Variants in GPC5 observed in about 807,000 individuals in gnomAD.
The protein encoded by GPC5 is glypican 5, also known as glypican-5.
A neutral mutation model predicts 53.9 loss-of-function variants in GPC5; 47 were observed. The ratio of observed to expected loss-of-function variants is 0.87; its 90% CI spans 0.69 to 1.11. GPC5 has a LOEUF of 1.11. GPC5 is among the 50% of genes most tolerant of loss of function. GPC5 has a pLI of 0.00. For missense variants in GPC5, 748 were observed against 713.1 expected, an observed-to-expected ratio of 1.05 and a Z score of -0.56; for synonymous variants, 286 against 263.3, an observed-to-expected ratio of 1.09 and a Z score of -0.84.
chr13:91,959,824 A>G (rs765058634), intron 6 of GPC5, among the ~76,000 whole-genome samples: 1 of 152,190 alleles, frequency 6.6e-6, no homozygotes, highest in Non-Finnish European at 1.5e-5. Context: ...AGCAAACGTC[A>G]TGCATCATAT....
intron 7 of GPC5, among the ~76,000 whole-genome samples, chr13:92,195,585 T>C (rs2042251435): frequency 6.6e-6 from 1 of 152,094 alleles, no homozygotes; most frequent in Non-Finnish European, 1.5e-5. Flanking sequence ...ACACCACGTA[T>C]GTAAATGGGT....
chr13:92,214,722 G>A (rs1469469088), intron 7 of GPC5, among the ~76,000 whole-genome samples: 3 of 152,166 alleles, frequency 2.0e-5, no homozygotes, highest in Non-Finnish European at 2.9e-5. Flanking sequence ...ACTATGTTAG[G>A]TTGTACAGCA....
chr13:92,221,338 C>T (rs533267401), intron 7 of GPC5, among the ~76,000 whole-genome samples: 1 of 152,248 alleles, frequency 6.6e-6, no homozygotes, highest in East Asian at 1.9e-4. Flanking sequence ...TTATCATATA[C>T]AGTGTATGGT....
At chr13:92,107,793 A>C (rs2041521631) in intron 6 of GPC5, among the ~76,000 whole-genome samples, 1 of 152,158 alleles carries the variant, frequency 6.6e-6, no homozygotes, top group South Asian at 2.1e-4. Flanking sequence ...GGTTTAATCA[A>C]CTTCATTGCT....
At chr13:92,571,493 A>G (rs1883020763) in intron 7 of GPC5, among the ~76,000 whole-genome samples, 1 of 152,168 alleles carries the variant, frequency 6.6e-6, no homozygotes, top group Admixed American at 6.6e-5. Context: ...AATTATATAT[A>G]TTTCCCAATA....
chr13:91,938,439 C>G lies in GPC5; in HGVS notation c.1401+30382C>G, dbSNP rs555021614. ...ATCCACCCTCATGACCCAAACACTT[C>G]CGACCCGGCCCCAACTCCAGCATTG... On this transcript the variant is annotated intron_variant, in intron 6 of 7. Transcript: ENST00000377067. Among the ~76,000 whole-genome samples the G allele has an allele frequency of 2.0e-5, 3 of 152,210 alleles. No individual in the cohort carries two copies. The East Asian group carries it at 5.8e-4, about 29-fold the overall frequency.
intron 2 of GPC5, among the ~76,000 whole-genome samples, chr13:91,562,492 C>G (rs1419040726): frequency 6.6e-6 from 1 of 152,048 alleles, no homozygotes; most frequent in East Asian, 1.9e-4. Flanking sequence ...GAGACAGAGT[C>G]TCACTCTGTC....
intron 6 of GPC5, among the ~76,000 whole-genome samples, chr13:92,084,185 G>A (rs907330484): frequency 6.6e-6 from 1 of 152,154 alleles, no homozygotes; most frequent in Admixed American, 6.5e-5. Context: ...CCTTGACACC[G>A]AGGTGACAGG....
At chr13:91,816,502 A>C (rs2038402272) in intron 5 of GPC5, among the ~76,000 whole-genome samples, 1 of 152,164 alleles carries the variant, frequency 6.6e-6, no homozygotes, top group African/African-American at 2.4e-5. Context: ...GAATTCACCC[A>C]GCATTGAAAT....
intron 6 of GPC5, among the ~76,000 whole-genome samples, chr13:92,094,130 C>T (rs1182789048): frequency 6.6e-6 from 1 of 152,050 alleles, no homozygotes; most frequent in East Asian, 1.9e-4. Flanking sequence ...ATTTATATAA[C>T]GGGGAACTTC....
At chr13:91,966,800 G>A (rs1336989470) in intron 6 of GPC5, among the ~76,000 whole-genome samples, 2 of 151,916 alleles carry the variant, frequency 1.3e-5, no homozygotes, top group Non-Finnish European at 2.9e-5. Flanking sequence ...TTTTAAAAGG[G>A]GAAAAAAGCA....
At chr13:92,136,116 G>A (rs7991173) in intron 6 of GPC5, among the ~76,000 whole-genome samples, 44,466 of 151,968 alleles carry the variant, frequency 0.29, 6,805 homozygotes, top group Non-Finnish European at 0.31. Context: ...GCTCTAAATA[G>A]TGAGTCATGT....
At chr13:91,599,574 A>T (rs2033109164) in intron 2 of GPC5, among the ~76,000 whole-genome samples, 1 of 152,118 alleles carries the variant, frequency 6.6e-6, no homozygotes, top group African/African-American at 2.4e-5. Context: ...TACTATAATT[A>T]AAAAAATATA....
intron 7 of GPC5, among the ~76,000 whole-genome samples, chr13:92,177,151 C>T (rs919575684): frequency 6.6e-5 from 10 of 152,068 alleles, no homozygotes; most frequent in African/African-American, 4.8e-5. Context: ...GCTTACAGAC[C>T]CCTGGCTTCT....
intron 5 of GPC5, among the ~76,000 whole-genome samples, chr13:91,768,180 C>T (rs1279109759): frequency 6.6e-6 from 1 of 152,090 alleles, no homozygotes; most frequent in East Asian, 1.9e-4. Context: ...AAAGAACAGG[C>T]ACCTATTCAT....
At chr13:91,849,450 A>G (rs1017043056) in intron 5 of GPC5, among the ~76,000 whole-genome samples, 2 of 152,178 alleles carry the variant, frequency 1.3e-5, no homozygotes, top group East Asian at 3.9e-4. Context: ...AATATATTTT[A>G]TACCTTCCAG....
At chr13:91,782,213 T>A (rs1047464885) in intron 5 of GPC5, among the ~76,000 whole-genome samples, 10 of 152,196 alleles carry the variant, frequency 6.6e-5, no homozygotes, top group African/African-American at 2.4e-4. Flanking sequence ...GCCATATACT[T>A]CAGTTGAGTA....
chr13:92,098,238 C>T (rs2041436978), intron 6 of GPC5, among the ~76,000 whole-genome samples: 1 of 152,154 alleles, frequency 6.6e-6, no homozygotes, highest in Non-Finnish European at 1.5e-5. Context: ...TCAGCTCCCA[C>T]TTATAAGTGA....
intron 7 of GPC5, among the ~76,000 whole-genome samples, chr13:92,830,939 G>C (rs997934260): frequency 6.6e-6 from 1 of 152,072 alleles, no homozygotes; most frequent in Non-Finnish European, 1.5e-5. Context: ...ATAGTTTTCT[G>C]TTTCAGAGCA....
Sources: allele counts gnomAD v4.1 joint callset (sites outside exome capture counted in the v4.1 genomes callset), GRCh38; gene constraint gnomAD v4.1.1; transcripts MANE v1.5; gene names NCBI Gene and HGNC (gene_info 2026-07-23, HGNC 2026-07-21).